The following ATP1A2 variants were observed in gnomAD, a reference collection of about 807,000 sequenced individuals.
ATP1A2 encodes ATPase Na+/K+ transporting subunit alpha 2, also known as sodium/potassium-transporting ATPase subunit alpha-2.
In ATP1A2, 56 loss-of-function variants were observed where a neutral mutation model predicts 113.1. That is an observed-to-expected ratio of 0.49 (90% CI 0.40 to 0.62). The LOEUF (loss-of-function observed/expected upper bound fraction) is 0.62, where lower values mean the gene tolerates loss of function less well. Ranked by LOEUF, ATP1A2 falls within the 20% of genes least tolerant of loss-of-function variation. The probability of loss-of-function intolerance (pLI) is 0.00; values close to 1 mark genes in which losing one functional copy is unlikely to be tolerated. For missense variants in ATP1A2, 712 were observed against 1,357.8 expected, an observed-to-expected ratio of 0.52 and a Z score of 7.47; for synonymous variants, 490 against 526.8, an observed-to-expected ratio of 0.93 and a Z score of 0.96.
chr1:160,138,085 C>A (rs1652014051), intron 20 of ATP1A2, among the ~76,000 whole-genome samples: 1 of 152,166 alleles, frequency 6.6e-6, no homozygotes, highest in South Asian at 2.1e-4. Context: ...GCCATAGTGG[C>A]TGCATCCAGC....
chr1:160,138,521 A>G (rs1229990507), intron 20 of ATP1A2, among the ~76,000 whole-genome samples: 1 of 152,238 alleles, frequency 6.6e-6, no homozygotes, highest in Non-Finnish European at 1.5e-5. Context: ...GGCTTGAACC[A>G]AAAAGAGGTA....
At chr1:160,126,877 G>A (rs1651604110) in intron 7 of ATP1A2, among the ~76,000 whole-genome samples, 1 of 152,080 alleles carries the variant, frequency 6.6e-6, no homozygotes, top group Non-Finnish European at 1.5e-5. Flanking sequence ...CTCTGCAATT[G>A]GCTTTGAAAA....
rs146388527 is a variant in ATP1A2, at chr1:160,134,235, C to CCA, written c.1828-232_1828-231dup. Among the ~76,000 whole-genome samples the CCA allele has an allele frequency of 0.48, 59,094 of 122,460 alleles. 14,382 individuals carry two copies. The highest frequency in any genetic ancestry group is 0.51 in the Non-Finnish European group (31,055 of 60,614). 80.3% of individuals were successfully genotyped at this position (122,460 alleles called of 152,430 possible). ...CCCCTCACACACACACAATCCCCAC[C>CCA]CACACACACACACACACATCCTACA... is the stretch of plus-strand genomic sequence containing the variant. On this transcript the variant is annotated intron_variant, in intron 13 of 22. Transcript: ENST00000361216.
chr1:160,125,246 T>C lies in ATP1A2; in HGVS notation c.741T>C (p.Cys247=), dbSNP rs371882060. 5.6e-6 allele frequency: 9 copies of C among 1,613,368 alleles called. No homozygotes were observed. Among genetic ancestry groups the C allele is most frequent in the African/African-American group, 2.7e-5 (2 of 74,874 alleles). The change falls in exon 7 of 23, where the codon TGT becomes TGC. Residue 247 remains cysteine (C), a synonymous_variant. Transcript: ENST00000361216. ...TRNICFFSTN[C]VEGTARGIVI... The stretch of plus-strand genomic sequence containing the variant: ...ATATCTGTTTCTTCTCCACCAACTG[T>C]GTTGAAGGTGAGAAGCCAGGCTGCC...
Position 160,135,085 on chromosome 1 carries a change from G to A in ATP1A2, c.1965-60G>A, listed in dbSNP as rs1321279632. 1.2e-6 allele frequency: 2 copies of A among 1,609,236 alleles called. No individual in the cohort carries two copies. The highest frequency in any genetic ancestry group is 2.7e-5 in the African/African-American group (2 of 74,814). On this transcript the variant is annotated intron_variant, in intron 14 of 22. Coordinates refer to ENST00000361216, the MANE Select transcript of ATP1A2 (RefSeq NM_000702.4). This position sits in a 1 kb window ranked among gnomAD's most constrained non-coding sequence, Gnocchi z 6.3. The stretch of plus-strand genomic sequence containing the variant: ...CTGCGGTGGTGAAGAGAGGCAGGGG[G>A]CAGGAGGGGCTGGTACAGGTGCCAG...
rs894914789 is a variant in ATP1A2 at position 160,130,614 on chromosome 1, C to T, written c.1827+17C>T. ...GGCATCAAGGTACTGGCCTCCCATC[C>T]TCCCCTCCATTCTAGCCTCCCCCAT... On this transcript the variant is annotated intron_variant, in intron 13 of 22. Transcript: ENST00000361216. 6.2e-7 allele frequency: 1 copy of T among 1,614,058 alleles called. No homozygotes were observed. The highest frequency in any genetic ancestry group is 8.5e-7 in the Non-Finnish European group (1 of 1,180,020).
intron 13 of ATP1A2, 84 bp downstream of exon 13, chr1:160,130,681 G>A (rs1558006844): frequency 1.9e-6 from 3 of 1,589,604 alleles, no homozygotes; most frequent in Non-Finnish European, 2.6e-6. Context: ...CCCTGGAAAG[G>A]CCCAGGCCAC....
At position 160,142,780 on chromosome 1, in the gene ATP1A2, G is replaced by T. The variant is rs536384136; in HGVS notation, c.*1458G>T. The T allele has an allele frequency of 2.6e-5, 4 of 151,340 alleles. No individual in the cohort carries two copies. In the East Asian group the frequency reaches 7.7e-4, roughly 29 times the overall value. 9.4% of individuals were successfully genotyped at this position (151,340 alleles called of 1,614,324 possible). The stretch of plus-strand genomic sequence containing the variant: ...AGATCGTGCCATTACACTCCAGCCT[G>T]GGCGAAAGGGTGAGACTCCATCTCA... On this transcript the variant is annotated 3_prime_UTR_variant, in exon 23 of 23. Transcript: ENST00000361216.
intron 13 of ATP1A2, among the ~76,000 whole-genome samples, chr1:160,133,919 A>C (rs770657087): frequency 1.9e-4 from 29 of 152,118 alleles, no homozygotes; most frequent in Non-Finnish European, 3.8e-4. Flanking sequence ...TCCTGCACTT[A>C]AGCAAACTAT....
At chr1:160,134,123 C>A (rs1651850364) in intron 13 of ATP1A2, among the ~76,000 whole-genome samples, 1 of 143,632 alleles carries the variant, frequency 7.0e-6, no homozygotes, top group African/African-American at 2.6e-5. Context: ...AATCCCCACC[C>A]CACATACACA....
intron 7 of ATP1A2, 184 bp downstream of exon 7, chr1:160,125,437 T>C: frequency 3.9e-5 from 24 of 616,218 alleles, no homozygotes; most frequent in South Asian, 3.9e-4. Flanking sequence ...GAGGGCAGCC[T>C]GACTCCATGG....
chr1:160,139,580 C>T, intron 20 of ATP1A2, 60 bp from the exon 21 acceptor site: 1 of 1,480,114 alleles, frequency 6.8e-7, no homozygotes, highest in South Asian at 1.1e-5. Context: ...CCAGGGGTAT[C>T]CCAGGATCTC....
intron 13 of ATP1A2, among the ~76,000 whole-genome samples, chr1:160,131,509 C>T (rs1178289348): frequency 6.6e-6 from 1 of 152,114 alleles, no homozygotes; most frequent in Non-Finnish European, 1.5e-5. Context: ...GTCTCCGAGG[C>T]AGGCATCATT....
chr1:160,125,916 G>A (rs1175934830), intron 7 of ATP1A2, among the ~76,000 whole-genome samples: 2 of 152,170 alleles, frequency 1.3e-5, no homozygotes, highest in African/African-American at 4.8e-5. Context: ...GCCCTCTGTG[G>A]TAAAGCCAGT....
At chr1:160,129,872 C>T (rs775188264) in intron 11 of ATP1A2, among the ~76,000 whole-genome samples, 5 of 152,142 alleles carry the variant, frequency 3.3e-5, no homozygotes, top group Non-Finnish European at 5.9e-5. Flanking sequence ...TTAACCTGAC[C>T]TCAATAAATA....
intron 7 of ATP1A2, among the ~76,000 whole-genome samples, chr1:160,126,727 T>A (rs1651599975): frequency 6.6e-6 from 1 of 152,162 alleles, no homozygotes; most frequent in South Asian, 2.1e-4. Flanking sequence ...TGCCTCAGCC[T>A]CCCAAAGTGC....
rs1160242709 is a variant in ATP1A2 at position 160,128,702 on chromosome 1, G to A, written c.1068G>A (p.Val356=). The change falls in exon 9 of 23, where the codon GTG becomes GTA. Residue 356 remains valine (V), a synonymous_variant. Transcript: ENST00000361216. The stretch of plus-strand genomic sequence containing the variant: ...GCATGGCACGGAAGAACTGCCTGGT[G>A]AAGAACCTGGAGGCGGTGGAGACGC... ...AKRMARKNCL[V]KNLEAVETLG... The A allele has an allele frequency of 2.5e-6, 4 of 1,614,070 alleles. No homozygotes were observed. The highest frequency in any genetic ancestry group is 3.4e-6 in the Non-Finnish European group (4 of 1,180,044).
intron 13 of ATP1A2, among the ~76,000 whole-genome samples, chr1:160,133,900 T>C (rs1235745402): frequency 6.6e-6 from 1 of 152,150 alleles, no homozygotes; most frequent in East Asian, 1.9e-4. Flanking sequence ...TACTCTGTTA[T>C]GGATACTTTC....
In ATP1A2 at chr1:160,130,222, G is replaced by C. The variant is rs374501280; in HGVS notation, c.1582G>C (p.Asp528His). 6.2e-7 allele frequency: 1 copy of C among 1,614,186 alleles called. No homozygotes were observed. The highest frequency in any genetic ancestry group is 8.5e-7 in the Non-Finnish European group (1 of 1,180,034). ...GGTGCAGGGCAAGGAGATCCCGCTC[G>C]ACAAGGAGATGCAAGATGCCTTTCA... ...ILVQGKEIPL[D>H]KEMQDAFQNA... The change falls in exon 12 of 23, where the codon GAC (aspartate) becomes CAC (histidine). Residue 528 changes from aspartate (D) to histidine (H), a missense_variant. Around this residue, in one of 6 missense-constraint regions of ATP1A2, gnomAD observed 263 missense variants for 380.6 expected, o/e 0.69. Transcript: ENST00000361216.
Sources: gnomAD v4.1 joint callset for allele counts (sites outside exome capture counted in the v4.1 genomes callset) on GRCh38, gnomAD v4.1.1 for gene constraint, gnomAD v4.1.1 regional missense constraint, Gnocchi (gnomAD v3.1) non-coding constraint, MANE v1.5 for transcripts, NCBI Gene and HGNC (gene_info 2026-07-23, HGNC 2026-07-21) for gene names.